The following CCDC146 variants were observed in gnomAD, a reference collection of about 807,000 sequenced individuals.
CCDC146 encodes coiled-coil domain-containing protein 146.
A neutral mutation model predicts 119.3 loss-of-function variants in CCDC146; 92 were observed. That is an observed-to-expected ratio of 0.77 (90% CI 0.65 to 0.92). The LOEUF (loss-of-function observed/expected upper bound fraction) is 0.92, where lower values mean the gene tolerates loss of function less well. CCDC146 is among the 40% of genes least tolerant of loss of function. The pLI is 0.00. For synonymous variants in CCDC146, 372 were observed against 371.8 expected (o/e 1.00, Z -0.01); for missense variants, 1,000 against 1,103.0 (o/e 0.91, Z 1.32).
chr7:77,177,275 C>T (rs1048051315), intron 2 of CCDC146, among the ~76,000 whole-genome samples: 3 of 151,744 alleles, frequency 2.0e-5, no homozygotes, highest in Admixed American at 6.6e-5. Context: ...CAATTTTTTT[C>T]GAGGAATTAA....
At position 77,152,038 on chromosome 7, in the gene CCDC146, G is replaced by T. The variant is rs564398177; in HGVS notation, c.-11-15620G>T. ...AAGTAATGAAGGTGGTGATGGTTCT[G>T]GAACCTTGCCTCTTTTTCCAAGTAC... is the stretch of plus-strand genomic sequence containing the variant. On this transcript the variant is annotated intron_variant, in intron 1 of 18. Coordinates refer to ENST00000285871, the MANE Select transcript of CCDC146 (RefSeq NM_020879.3). Among the ~76,000 whole-genome samples the T allele has an allele frequency of 2.0e-3, 310 of 152,180 alleles. 4 individuals carry two copies. Among genetic ancestry groups the T allele is most frequent in the Non-Finnish European group, 3.1e-3 (208 of 67,984 alleles).
At chr7:77,190,700 A>G (rs1175785468) in intron 2 of CCDC146, among the ~76,000 whole-genome samples, 4 of 152,340 alleles carry the variant, frequency 2.6e-5, no homozygotes, top group South Asian at 4.1e-4. Context: ...CAGTCAATCA[A>G]CAAAGGAGAC....
intron 2 of CCDC146, among the ~76,000 whole-genome samples, chr7:77,176,010 G>C (rs547486489): frequency 6.6e-6 from 1 of 151,300 alleles, no homozygotes; most frequent in South Asian, 2.1e-4. Flanking sequence ...GGATGAGATG[G>C]TCTAGAAAGG....
chr7:77,253,389 T>A (rs1313599233), intron 4 of CCDC146, among the ~76,000 whole-genome samples: 4 of 152,238 alleles, frequency 2.6e-5, no homozygotes, highest in Non-Finnish European at 4.4e-5. Context: ...TTCACACCTT[T>A]GAACAACTGT....
chr7:77,164,178 A>G (rs1791307078), intron 1 of CCDC146, among the ~76,000 whole-genome samples: 1 of 152,014 alleles, frequency 6.6e-6, no homozygotes, highest in African/African-American at 2.4e-5. Flanking sequence ...AAAACTTCTT[A>G]ATAAAAAAGT....
intron 1 of CCDC146, among the ~76,000 whole-genome samples, chr7:77,128,168 T>C (rs2539117): frequency 0.016 from 2,509 of 152,066 alleles, 78 homozygotes; most frequent in African/African-American, 0.057. Flanking sequence ...CAAACTCTGT[T>C]TCATGGTGGT....
Position 77,196,597 on chromosome 7 carries a change from G to A in CCDC146, c.156+28773G>A, listed in dbSNP as rs762055560. ...ATGCATCTCCAGCTGTGCCATTATA[G>A]TTACCAACGTGTAAACGATATTTGA... On this transcript the variant is annotated intron_variant, in intron 2 of 18. Coordinates refer to ENST00000285871, the MANE Select transcript of CCDC146 (RefSeq NM_020879.3). This position sits in a 1 kb window ranked among gnomAD's most constrained non-coding sequence, Gnocchi z 4.2. 4 of 1,614,094 alleles carry A rather than the reference G, an allele frequency of 2.5e-6. No individual in the cohort carries two copies. Among genetic ancestry groups the A allele is most frequent in the South Asian group, 2.2e-5 (2 of 91,082 alleles).
chr7:77,292,957 T>C lies in CCDC146; in HGVS notation c.2421T>C (p.Asn807=), dbSNP rs769183230. 7.4e-6 allele frequency: 12 copies of C among 1,613,322 alleles called. No homozygotes were observed. The highest frequency in any genetic ancestry group is 3.3e-4 in the Middle Eastern group (2 of 6,058). ...TTTGGGCTCTTTAATTCTAGATGAA[T>C]GGCTATCAAAGAAGGATCAAAAATG... ...QDTLLLAKKM[N]GYQRRIKNAT... Residue 807 remains asparagine (N), a synonymous_variant, in exon 18 of 19, where the codon AAT becomes AAC. Coordinates refer to ENST00000285871, the MANE Select transcript of CCDC146 (RefSeq NM_020879.3).
intron 1 of CCDC146, among the ~76,000 whole-genome samples, chr7:77,138,794 C>T (rs922975744): frequency 3.3e-5 from 5 of 152,160 alleles, no homozygotes; most frequent in African/African-American, 1.2e-4. Context: ...CAGGCAAATG[C>T]AAGTTAAAAC....
At chr7:77,178,453 G>A (rs1052876598) in intron 2 of CCDC146, among the ~76,000 whole-genome samples, 8 of 152,276 alleles carry the variant, frequency 5.3e-5, no homozygotes, top group Non-Finnish European at 8.8e-5. Flanking sequence ...CTAGGAATGG[G>A]AGGAAAACGC....
intron 2 of CCDC146, among the ~76,000 whole-genome samples, chr7:77,210,804 C>T (rs922637596): frequency 3.3e-5 from 5 of 152,100 alleles, no homozygotes; most frequent in African/African-American, 1.2e-4. Context: ...AAGGGGAAGC[C>T]AGCATGTCCT....
chr7:77,154,054 G>A (rs1188244737), intron 1 of CCDC146, among the ~76,000 whole-genome samples: 1 of 151,508 alleles, frequency 6.6e-6, no homozygotes, highest in Non-Finnish European at 1.5e-5. Flanking sequence ...TATCCAAAAG[G>A]TGACATGTGA....
At chr7:77,178,462 G>A (rs1204447531) in intron 2 of CCDC146, among the ~76,000 whole-genome samples, 3 of 152,172 alleles carry the variant, frequency 2.0e-5, no homozygotes, top group African/African-American at 4.8e-5. Context: ...GGAGGAAAAC[G>A]CAGCAGTGGC....
chr7:77,293,951 C>T (rs1584155302), intron 18 of CCDC146, among the ~76,000 whole-genome samples: 1 of 152,230 alleles, frequency 6.6e-6, no homozygotes, highest in Non-Finnish European at 1.5e-5. Flanking sequence ...GTGTAAATTA[C>T]GTGATTTATA....
chr7:77,160,086 C>A (rs146789999), intron 1 of CCDC146, among the ~76,000 whole-genome samples: 3,184 of 152,182 alleles, frequency 0.021, 63 homozygotes, highest in Middle Eastern at 0.054. Flanking sequence ...TGTAGATATG[C>A]GACGCTATTT....
chr7:77,294,145 T>G (rs2150561750), intron 18 of CCDC146, among the ~76,000 whole-genome samples: 1 of 152,328 alleles, frequency 6.6e-6, no homozygotes, highest in South Asian at 2.1e-4. Context: ...CTCCTCTGGT[T>G]CCACTTTACT....
chr7:77,123,095 A>G (rs1790647016), intron 1 of CCDC146, among the ~76,000 whole-genome samples: 1 of 146,664 alleles, frequency 6.8e-6, no homozygotes, highest in Non-Finnish European at 1.5e-5. Context: ...TGCACAGTCT[A>G]CCAAATTACC....
In CCDC146 at chr7:77,249,036, T is replaced by G. The variant is rs1005505732; in HGVS notation, c.450-5470T>G. Among the ~76,000 whole-genome samples, 3 of 152,326 alleles carry G rather than the reference T, an allele frequency of 2.0e-5. No individual in the cohort carries two copies. In the East Asian group the frequency reaches 5.8e-4, roughly 29 times the overall value. ...AATTGATTGATGGGATTATTGAGTT[T>G]GACTATGTCCTTAACTGATCTTCTG... On this transcript the variant is annotated intron_variant, in intron 4 of 18. Transcript: ENST00000285871.
intron 3 of CCDC146, among the ~76,000 whole-genome samples, chr7:77,241,008 G>GT (rs1275786936): frequency 0.014 from 1,779 of 129,568 alleles, 101 homozygotes; most frequent in African/African-American, 0.041. Flanking sequence ...GTTTTTTTGG[G>GT]TTTTTTTTTT....
Sources: gnomAD v4.1 joint callset for allele counts (sites outside exome capture counted in the v4.1 genomes callset) on GRCh38, gnomAD v4.1.1 for gene constraint, Gnocchi (gnomAD v3.1) non-coding constraint, MANE v1.5 for transcripts, NCBI Gene and HGNC (gene_info 2026-07-23, HGNC 2026-07-21) for gene names.